Variants in TMEM178B observed in about 807,000 individuals in gnomAD.
TMEM178B encodes transmembrane protein 178B.
A neutral mutation model predicts 31.0 loss-of-function variants in TMEM178B; 5 were observed. That is an observed-to-expected ratio of 0.16 (90% CI 0.08 to 0.34). The LOEUF (loss-of-function observed/expected upper bound fraction) is 0.34, where lower values mean the gene tolerates loss of function less well. TMEM178B is among the 10% of genes least tolerant of loss of function. The pLI, the probability that TMEM178B is intolerant of heterozygous loss-of-function variation, is 1.00. For synonymous variants in TMEM178B, 164 were observed against 164.0 expected, an observed-to-expected ratio of 1.00 and a Z score of 0.00; for missense variants, 275 against 400.3, an observed-to-expected ratio of 0.69 and a Z score of 2.67.
intron 1 of TMEM178B, among the ~76,000 whole-genome samples, chr7:141,204,996 AG>A (rs1194454495): frequency 6.6e-6 from 1 of 151,852 alleles, no homozygotes; most frequent in East Asian, 1.9e-4. Flanking sequence ...AATTTTTAAA[AG>A]TTTTTTTTTA....
At chr7:141,131,549 G>A (rs1216477571) in intron 1 of TMEM178B, among the ~76,000 whole-genome samples, 2 of 152,208 alleles carry the variant, frequency 1.3e-5, no homozygotes, top group East Asian at 1.9e-4. Context: ...TTCGGGTTAC[G>A]TATAATTGAA....
chr7:141,196,480 T>G (rs1031124099), intron 1 of TMEM178B, among the ~76,000 whole-genome samples: 6 of 152,222 alleles, frequency 3.9e-5, no homozygotes, highest in African/African-American at 1.4e-4. Flanking sequence ...TACCAAGTCT[T>G]GATATAATCT....
chr7:141,219,286 T>C (rs1797215957), intron 2 of TMEM178B, among the ~76,000 whole-genome samples: 1 of 152,156 alleles, frequency 6.6e-6, no homozygotes, highest in Non-Finnish European at 1.5e-5. Context: ...AGCTATTTTT[T>C]TCTTCATGTT....
intron 2 of TMEM178B, among the ~76,000 whole-genome samples, chr7:141,342,842 C>T (rs969559579): frequency 2.0e-5 from 3 of 152,210 alleles, no homozygotes; most frequent in Admixed American, 1.3e-4. Context: ...TGCCCACTGT[C>T]GGTAGGTTCT....
chr7:141,090,186 TA>T (rs1563084739), intron 1 of TMEM178B, among the ~76,000 whole-genome samples: 1 of 152,042 alleles, frequency 6.6e-6, no homozygotes. Flanking sequence ...TTAAATTTTT[TA>T]AAAAAATTTA....
intron 1 of TMEM178B, among the ~76,000 whole-genome samples, chr7:141,164,956 A>G (rs959674610): frequency 6.6e-6 from 1 of 152,202 alleles, no homozygotes; most frequent in African/African-American, 2.4e-5. Context: ...TGGGAAGGGT[A>G]GCACTTGCCT....
At chr7:141,387,682 C>T (rs1220636344) in intron 2 of TMEM178B, among the ~76,000 whole-genome samples, 5 of 152,198 alleles carry the variant, frequency 3.3e-5, no homozygotes, top group African/African-American at 9.7e-5. Context: ...TGCGCACCCC[C>T]GTTCCTGTCA....
intron 1 of TMEM178B, among the ~76,000 whole-genome samples, chr7:141,203,612 C>T (rs1232804687): frequency 2.0e-5 from 3 of 152,140 alleles, no homozygotes; most frequent in Non-Finnish European, 4.4e-5. Context: ...TCCTTGTAGC[C>T]GTGGTGTCTG....
chr7:141,290,885 G>A (rs1173840419), intron 2 of TMEM178B, among the ~76,000 whole-genome samples: 1 of 152,216 alleles, frequency 6.6e-6, no homozygotes, highest in Non-Finnish European at 1.5e-5. Context: ...CCTTCAAGCT[G>A]TGTCCCTTCC....
chr7:141,333,836 C>T (rs575606216), intron 2 of TMEM178B, among the ~76,000 whole-genome samples: 1 of 152,288 alleles, frequency 6.6e-6, no homozygotes, highest in East Asian at 1.9e-4. Context: ...TCTAAAGGAG[C>T]GCGCAATCTA....
chr7:141,130,683 TATAAG>T (rs1177583521), intron 1 of TMEM178B, among the ~76,000 whole-genome samples: 6 of 152,222 alleles, frequency 3.9e-5, no homozygotes, highest in Non-Finnish European at 7.4e-5. Flanking sequence ...ATGTTTTTCT[TATAAG>T]AGAGGAGGGA....
chr7:141,404,044 G>C (rs1281682025), intron 2 of TMEM178B, among the ~76,000 whole-genome samples: 1 of 152,222 alleles, frequency 6.6e-6, no homozygotes, highest in African/African-American at 2.4e-5. Flanking sequence ...GGTGGCTCGT[G>C]CCTGTAATCC....
At chr7:141,423,801 T>C (rs1219234268) in intron 2 of TMEM178B, among the ~76,000 whole-genome samples, 4 of 146,784 alleles carry the variant, frequency 2.7e-5, no homozygotes, top group African/African-American at 1.0e-4. Context: ...ATAGTGACAT[T>C]TGTGTTTTTT....
At position 141,477,708 on chromosome 7, in the gene TMEM178B, A is replaced by C. The variant is rs560792807; in HGVS notation, c.*6922A>C. 10 of 152,248 alleles carry C rather than the reference A, an allele frequency of 6.6e-5. No individual in the cohort carries two copies. The highest frequency in any genetic ancestry group is 4.6e-4 in the Admixed American group (7 of 15,276). 9.4% of individuals were successfully genotyped at this position (152,248 alleles called of 1,614,324 possible). A position where few individuals can be genotyped will look rare whatever the true frequency, so the allele number is the denominator to read the frequency against. On this transcript the variant is annotated 3_prime_UTR_variant, in exon 4 of 4. Coordinates refer to ENST00000565468, the MANE Select transcript of TMEM178B (RefSeq NM_001195278.2). Reference sequence around the variant, plus strand: ...GGCTTCCAGGGCTCTGGGGGTGCGCAGTCCCCTTGTGTATTTTGCTGCTAT... The same window carrying C: ...GGCTTCCAGGGCTCTGGGGGTGCGCCGTCCCCTTGTGTATTTTGCTGCTAT...
chr7:141,504,754 T>C, the TMEM178B span, among the ~76,000 whole-genome samples: 1 of 152,226 alleles, frequency 6.6e-6, no homozygotes, highest in South Asian at 2.1e-4. Flanking sequence ...ATGAATTGTA[T>C]AGTGGTGAAG....
chr7:141,298,714 T>G (rs1798675664), intron 2 of TMEM178B, among the ~76,000 whole-genome samples: 1 of 152,222 alleles, frequency 6.6e-6, no homozygotes, highest in African/African-American at 2.4e-5. Flanking sequence ...CTAGTACCTC[T>G]TAGAGGGAAG....
intron 2 of TMEM178B, among the ~76,000 whole-genome samples, chr7:141,329,136 T>C (rs1799249828): frequency 6.6e-6 from 1 of 152,172 alleles, no homozygotes; most frequent in Non-Finnish European, 1.5e-5. Context: ...TAAAATTCCC[T>C]GAGGGGCACA....
At chr7:141,233,830 A>G (rs1797485393) in intron 2 of TMEM178B, among the ~76,000 whole-genome samples, 1 of 152,236 alleles carries the variant, frequency 6.6e-6, no homozygotes, top group African/African-American at 2.4e-5. Flanking sequence ...TCCCTATCAC[A>G]TGAAATATTT....
intron 3 of TMEM178B, among the ~76,000 whole-genome samples, chr7:141,460,910 C>T (rs968995136): frequency 1.2e-4 from 19 of 152,182 alleles, no homozygotes; most frequent in Non-Finnish European, 2.6e-4. Context: ...ATCCCTAAGG[C>T]GCCTTTGATG....
Sources: allele counts gnomAD v4.1 joint callset (sites outside exome capture counted in the v4.1 genomes callset), GRCh38; gene constraint gnomAD v4.1.1; transcripts MANE v1.5; gene names NCBI Gene and HGNC (gene_info 2026-07-23, HGNC 2026-07-21).